SAMD8: variants seen among roughly 807,000 people sequenced by gnomAD.
SAMD8 encodes sterile alpha motif domain containing 8.
A neutral mutation model predicts 42.0 loss-of-function variants in SAMD8; 20 were observed. That is an observed-to-expected ratio of 0.48 (90% CI 0.34 to 0.69). SAMD8 has a LOEUF of 0.69. Among genes scored for constraint, SAMD8 ranks in the 30% least tolerant of loss-of-function variants. The probability of loss-of-function intolerance (pLI) is 0.01; values close to 1 mark genes in which losing one functional copy is unlikely to be tolerated. For missense variants in SAMD8, 328 were observed against 511.6 expected, an observed-to-expected ratio of 0.64 and a Z score of 3.46; for synonymous variants, 162 against 173.0, an observed-to-expected ratio of 0.94 and a Z score of 0.50.
intron 1 of SAMD8, among the ~76,000 whole-genome samples, chr10:75,101,123 G>A (rs1196885205): frequency 1.3e-5 from 2 of 152,186 alleles, no homozygotes; most frequent in Non-Finnish European, 2.9e-5. Context: ...GCGTGTGGCT[G>A]CCAGTGGGGA....
At position 75,177,620 on chromosome 10, in the gene SAMD8, GT is replaced by G. The variant is rs1368728133; in HGVS notation, c.*932del. The G allele has an allele frequency of 6.6e-6, 1 of 152,074 alleles. No homozygotes were observed. The highest frequency in any genetic ancestry group is 2.4e-5 in the African/African-American group (1 of 41,412). 9.4% of individuals were successfully genotyped at this position (152,074 alleles called of 1,614,324 possible). ...TAGGGAGGTATGCATGCAAAGAATT[GT>G]TTTCTCCTGAAAAGAAACTTACAGC... On this transcript the variant is annotated 3_prime_UTR_variant, in exon 6 of 6. Coordinates refer to ENST00000542569, the MANE Select transcript of SAMD8 (RefSeq NM_001174156.2).
chr10:75,102,020 C>T (rs1848192738), intron 1 of SAMD8: 3 of 1,268,342 alleles, frequency 2.4e-6, no homozygotes, highest in South Asian at 2.4e-5. Context: ...CTTCCAGCCT[C>T]CCCTGCCACT....
intron 1 of SAMD8, among the ~76,000 whole-genome samples, chr10:75,120,513 C>T (rs1244021473): frequency 6.6e-6 from 1 of 152,154 alleles, no homozygotes; most frequent in South Asian, 2.1e-4. Flanking sequence ...TCGTGATCCG[C>T]CCGCCTCAGC....
upstream of SAMD8, chr10:75,111,367 C>A: frequency 1.8e-6 from 1 of 543,424 alleles, no homozygotes; most frequent in Non-Finnish European, 2.7e-6. Context: ...CGCCCTCGGG[C>A]TCCTCCGCGG....
At chr10:75,120,494 C>T (rs1475776883) in intron 1 of SAMD8, among the ~76,000 whole-genome samples, 2 of 152,070 alleles carry the variant, frequency 1.3e-5, no homozygotes, top group Non-Finnish European at 2.9e-5. Flanking sequence ...TGGTCTCTAT[C>T]TCCTGACCTC....
intron 1 of SAMD8, among the ~76,000 whole-genome samples, chr10:75,138,526 A>G (rs995566704): frequency 1.3e-5 from 2 of 152,206 alleles, no homozygotes; most frequent in African/African-American, 4.8e-5. Flanking sequence ...CTCATTGACT[A>G]AAGACTATCT....
intron 1 of SAMD8, among the ~76,000 whole-genome samples, chr10:75,117,622 C>T (rs1848916678): frequency 6.6e-6 from 1 of 151,970 alleles, no homozygotes. Flanking sequence ...GAGGCTGAGG[C>T]AGGAGAATTG....
chr10:75,105,636 C>A (rs1330509967), intron 1 of SAMD8: 3 of 1,543,382 alleles, frequency 1.9e-6, no homozygotes, highest in East Asian at 4.9e-5. Context: ...CCAACCACAT[C>A]CAGCTTTGCC....
chr10:75,129,202 C>T (rs975769860), intron 1 of SAMD8, among the ~76,000 whole-genome samples: 2 of 151,268 alleles, frequency 1.3e-5, no homozygotes, highest in African/African-American at 4.9e-5. Flanking sequence ...CTCACTATAG[C>T]CTGGAAGTCC....
At chr10:75,120,386 C>T (rs974792701) in intron 1 of SAMD8, among the ~76,000 whole-genome samples, 4 of 152,094 alleles carry the variant, frequency 2.6e-5, no homozygotes, top group Admixed American at 2.0e-4. Context: ...ATTCTCCTGC[C>T]TCAGCCTCCC....
chr10:75,171,160 CT>C (rs1003923090), intron 4 of SAMD8, among the ~76,000 whole-genome samples: 84 of 68,522 alleles, frequency 1.2e-3, no homozygotes, highest in South Asian at 7.5e-3. Context: ...CTTTCTTTTT[CT>C]TTTTTTTTTT....
At chr10:75,136,175 C>T (rs1839882181) in intron 1 of SAMD8, among the ~76,000 whole-genome samples, 1 of 151,768 alleles carries the variant, frequency 6.6e-6, no homozygotes, top group Non-Finnish European at 1.5e-5. Flanking sequence ...GTTCTTACTA[C>T]TGTTGAACCT....
At chr10:75,115,520 C>G (rs1015000618) in intron 1 of SAMD8, among the ~76,000 whole-genome samples, 1 of 152,178 alleles carries the variant, frequency 6.6e-6, no homozygotes, top group Non-Finnish European at 1.5e-5. Flanking sequence ...TGTGAATATT[C>G]CTGAACCCCC....
chr10:75,104,200 T>A, intron 1 of SAMD8: 3 of 768,044 alleles, frequency 3.9e-6, no homozygotes, highest in Non-Finnish European at 3.7e-6. Context: ...AACCTGCTTC[T>A]GCCTTGAGCC....
intron 2 of SAMD8, among the ~76,000 whole-genome samples, chr10:75,156,589 T>C (rs1489874184): frequency 6.6e-6 from 1 of 151,984 alleles, no homozygotes; most frequent in African/African-American, 2.4e-5. Flanking sequence ...ACAGACATTA[T>C]GTGCATTGGA....
At chr10:75,164,021 C>A (rs1347426839) in intron 2 of SAMD8, among the ~76,000 whole-genome samples, 3 of 152,112 alleles carry the variant, frequency 2.0e-5, no homozygotes, top group African/African-American at 7.2e-5. Flanking sequence ...GAGTTTGAGA[C>A]CAGCCTGGGC....
At chr10:75,148,846 G>A (rs906364709) in intron 1 of SAMD8, among the ~76,000 whole-genome samples, 2 of 152,032 alleles carry the variant, frequency 1.3e-5, no homozygotes, top group African/African-American at 4.8e-5. Flanking sequence ...GTTTTGTTTG[G>A]TTTTTCAAGA....
chr10:75,149,709 G>T (rs1042670283), intron 1 of SAMD8, among the ~76,000 whole-genome samples: 3 of 151,868 alleles, frequency 2.0e-5, no homozygotes, highest in African/African-American at 7.3e-5. Flanking sequence ...TTCAGAAATC[G>T]GATTTTTTTC....
At chr10:75,136,176 T>G (rs533352566) in intron 1 of SAMD8, among the ~76,000 whole-genome samples, 8 of 152,292 alleles carry the variant, frequency 5.3e-5, no homozygotes, top group Admixed American at 5.2e-4. Context: ...TTCTTACTAC[T>G]GTTGAACCTG....
Sources: allele counts gnomAD v4.1 joint callset (sites outside exome capture counted in the v4.1 genomes callset), GRCh38; gene constraint gnomAD v4.1.1; transcripts MANE v1.5; gene names NCBI Gene and HGNC (gene_info 2026-07-23, HGNC 2026-07-21).